The following RIT2 variants were observed in gnomAD, a reference collection of about 807,000 sequenced individuals.
The protein encoded by RIT2 is GTP-binding protein Rit2.
A neutral mutation model predicts 23.7 loss-of-function variants in RIT2; 24 were observed. That is an observed-to-expected ratio of 1.01 (90% CI 0.73 to 1.43). RIT2 has a LOEUF of 1.43. RIT2 is among the 40% of genes most tolerant of loss of function. The pLI is 0.00. For synonymous variants in RIT2, 107 were observed against 91.1 expected (o/e 1.17, Z -0.99); for missense variants, 236 against 266.9 (o/e 0.88, Z 0.81).
intron 1 of RIT2, among the ~76,000 whole-genome samples, chr18:43,086,225 A>G (rs570615325): frequency 6.6e-6 from 1 of 152,298 alleles, no homozygotes; most frequent in East Asian, 1.9e-4. Flanking sequence ...ACACTCAAAA[A>G]GTTTTAGAGT....
At chr18:42,847,513 T>TA (rs979591192) in intron 4 of RIT2, among the ~76,000 whole-genome samples, 3 of 152,022 alleles carry the variant, frequency 2.0e-5, no homozygotes, top group African/African-American at 4.8e-5. Flanking sequence ...TTTTTTGCCC[T>TA]AAAAAAATTG....
chr18:43,017,967 G>A (rs187401176), intron 2 of RIT2, among the ~76,000 whole-genome samples: 1 of 151,986 alleles, frequency 6.6e-6, no homozygotes, highest in Admixed American at 6.6e-5. Flanking sequence ...ATACACACAC[G>A]TTTACTGCAA....
rs1913406529 is a variant in RIT2 at position 43,090,838 on chromosome 18, C to A, written c.103+24579G>T. ...GCTAAATGATGAGAACACGTGTACA[C>A]ATGGAGGGGAATACCACCAGTGGGG... On this transcript the variant is annotated intron_variant, in intron 1 of 4. Transcript: ENST00000326695. Among the ~76,000 whole-genome samples the A allele has an allele frequency of 2.6e-5, 4 of 151,824 alleles. No homozygotes were observed. In the Admixed American group the frequency reaches 2.6e-4, roughly 10 times the overall value.
chr18:42,855,386 GTCATTC>G (rs1471096736), intron 4 of RIT2, among the ~76,000 whole-genome samples: 1 of 152,154 alleles, frequency 6.6e-6, no homozygotes, highest in African/African-American at 2.4e-5. Flanking sequence ...GGGAAGAATA[GTCATTC>G]AAGATATACA....
chr18:42,790,181 C>G (rs1598654785), intron 4 of RIT2, among the ~76,000 whole-genome samples: 2 of 152,154 alleles, frequency 1.3e-5, no homozygotes, highest in African/African-American at 4.8e-5. Context: ...TCCGAAATTT[C>G]ATATTTCTTA....
At chr18:43,106,357 G>A (rs1312797853) in intron 1 of RIT2, among the ~76,000 whole-genome samples, 1 of 152,146 alleles carries the variant, frequency 6.6e-6, no homozygotes, top group Non-Finnish European at 1.5e-5. Context: ...AGTGTCTAAG[G>A]ACTTCTGATT....
intron 1 of RIT2, among the ~76,000 whole-genome samples, chr18:43,074,452 T>C (rs955194839): frequency 2.6e-5 from 4 of 152,226 alleles, no homozygotes; most frequent in African/African-American, 9.6e-5. Flanking sequence ...TTATGTTATA[T>C]AAAATTCCGA....
At chr18:42,850,885 T>C (rs1907037179) in intron 4 of RIT2, among the ~76,000 whole-genome samples, 1 of 152,158 alleles carries the variant, frequency 6.6e-6, no homozygotes, top group Non-Finnish European at 1.5e-5. Flanking sequence ...ACATTAGGCA[T>C]TCTCTTTATG....
intron 1 of RIT2, among the ~76,000 whole-genome samples, chr18:43,052,088 C>T (rs991818333): frequency 6.6e-6 from 1 of 152,120 alleles, no homozygotes; most frequent in Admixed American, 6.6e-5. Context: ...CATGAATATA[C>T]TTTAAGCTCT....
intron 1 of RIT2, among the ~76,000 whole-genome samples, chr18:43,085,835 T>A (rs1473541997): frequency 6.6e-6 from 1 of 152,088 alleles, no homozygotes; most frequent in Non-Finnish European, 1.5e-5. Flanking sequence ...TGGGGGCAGT[T>A]TCCCCCATAC....
At chr18:43,066,804 G>A (rs1016065282) in intron 1 of RIT2, among the ~76,000 whole-genome samples, 1 of 147,132 alleles carries the variant, frequency 6.8e-6, no homozygotes, top group Middle Eastern at 3.6e-3. Context: ...TTAGAAATGA[G>A]GTGGAGCTTT....
chr18:42,751,190 T>A (rs1356692170), intron 4 of RIT2, among the ~76,000 whole-genome samples: 1 of 151,886 alleles, frequency 6.6e-6, no homozygotes, highest in East Asian at 1.9e-4. Flanking sequence ...TTTTGGATTA[T>A]TTTTGACCAA....
At chr18:42,792,919 T>C (rs1253237301) in intron 4 of RIT2, among the ~76,000 whole-genome samples, 1 of 152,176 alleles carries the variant, frequency 6.6e-6, no homozygotes, top group Non-Finnish European at 1.5e-5. Flanking sequence ...AAAACTGCAG[T>C]GAGTCATGTT....
chr18:42,994,189 G>A (rs1198913477), intron 2 of RIT2, among the ~76,000 whole-genome samples: 1 of 151,966 alleles, frequency 6.6e-6, no homozygotes. Context: ...CTTTCACTTG[G>A]ACTGACCTTG....
chr18:43,045,062 T>G (rs576514261), intron 1 of RIT2, among the ~76,000 whole-genome samples: 1 of 152,320 alleles, frequency 6.6e-6, no homozygotes, highest in Admixed American at 6.5e-5. Flanking sequence ...ACATTTTCAC[T>G]AATATTTTCT....
At chr18:42,864,435 A>C (rs1026343869) in intron 4 of RIT2, among the ~76,000 whole-genome samples, 1 of 152,142 alleles carries the variant, frequency 6.6e-6, no homozygotes, top group African/African-American at 2.4e-5. Context: ...TTTCTATTGC[A>C]TACTCTGCAC....
intron 2 of RIT2, among the ~76,000 whole-genome samples, chr18:42,975,522 G>C (rs575311646): frequency 6.6e-6 from 1 of 152,168 alleles, no homozygotes; most frequent in East Asian, 1.9e-4. Context: ...CCAGGACCAA[G>C]GTCAGTGAGC....
chr18:42,863,594 C>G (rs1907387874), intron 4 of RIT2, among the ~76,000 whole-genome samples: 1 of 152,136 alleles, frequency 6.6e-6, no homozygotes. Context: ...ACATAAATTT[C>G]TTTCAAATTA....
intron 4 of RIT2, among the ~76,000 whole-genome samples, chr18:42,901,889 ATC>A (rs1908485038): frequency 6.6e-6 from 1 of 151,938 alleles, no homozygotes; most frequent in Admixed American, 6.6e-5. Context: ...ATAATAAAAT[ATC>A]CTCCCTTTTC....
Sources: allele counts gnomAD v4.1 joint callset (sites outside exome capture counted in the v4.1 genomes callset), GRCh38; gene constraint gnomAD v4.1.1; transcripts MANE v1.5; gene names NCBI Gene and HGNC (gene_info 2026-07-23, HGNC 2026-07-21).